Variants in ATP11A observed in about 807,000 individuals in gnomAD.
ATP11A encodes the protein phospholipid-transporting ATPase IH.
ATP11A carries 81 observed loss-of-function variants against 154.4 expected under a neutral mutation model. That is an observed-to-expected ratio of 0.52 (90% CI 0.44 to 0.63). ATP11A has a LOEUF of 0.63. Ranked by LOEUF, ATP11A falls within the 30% of genes least tolerant of loss-of-function variation. The pLI is 0.00. For synonymous variants in ATP11A, 623 were observed against 585.9 expected (o/e 1.06, Z -0.91); for missense variants, 1,316 against 1,474.3 (o/e 0.89, Z 1.76).
intron 1 of ATP11A, among the ~76,000 whole-genome samples, chr13:112,727,792 T>C (rs767336288): frequency 4.6e-5 from 7 of 152,260 alleles, no homozygotes; most frequent in Non-Finnish European, 1.0e-4. Flanking sequence ...GGAGCTAAAC[T>C]CTGGCTTCGT....
rs986938883 is a variant in ATP11A, at chr13:112,844,823, C to T, written c.1809+2444C>T. Among the ~76,000 whole-genome samples, 6 of 151,244 alleles carry T rather than the reference C, an allele frequency of 4.0e-5. No individual in the cohort carries two copies. The East Asian group carries it at 7.8e-4, about 20-fold the overall frequency. On this transcript the variant is annotated intron_variant, in intron 17 of 29. Coordinates refer to ENST00000375645, the MANE Select transcript of ATP11A (RefSeq NM_015205.3). ...TAGTGGTACTAACCAGTCCAGTTGC[C>T]GGGTGTTAGTGGTACTAACCAGTCC... is the stretch of plus-strand genomic sequence containing the variant.
At chr13:112,763,565 A>G (rs1358911521) in intron 1 of ATP11A, among the ~76,000 whole-genome samples, 2 of 151,980 alleles carry the variant, frequency 1.3e-5, no homozygotes, top group Non-Finnish European at 2.9e-5. Context: ...TTCCCTTTCC[A>G]GCTCTTTTCT....
chr13:112,806,109 A>G (rs1382742958), intron 3 of ATP11A, 104 bp from the exon 4 acceptor site: 1 of 782,170 alleles, frequency 1.3e-6, no homozygotes, highest in Non-Finnish European at 2.1e-6. Flanking sequence ...AGGTCTTTAA[A>G]TAAGTCAAAG....
chr13:112,816,647 G>A lies in ATP11A; in HGVS notation c.570+436G>A, dbSNP rs1018733105. ...CTCTGAGCCCAGCACGCTCTTGTCC[G>A]CTCTAGTCCTCGTGTTGTACGTTGG... On this transcript the variant is annotated intron_variant, in intron 6 of 29. Transcript: ENST00000375645. Among the ~76,000 whole-genome samples, 3 of 152,220 alleles carry A rather than the reference G, an allele frequency of 2.0e-5. 1 individual carries two copies. Among genetic ancestry groups the A allele is most frequent in the South Asian group, 4.1e-4 (2 of 4,820 alleles).
intron 26 of ATP11A, 64 bp downstream of exon 26, chr13:112,871,864 C>A: frequency 4.1e-6 from 6 of 1,480,426 alleles, no homozygotes; most frequent in African/African-American, 1.4e-5. Context: ...GTAGGCCTCA[C>A]GCGCTCTGAG....
At chr13:112,798,899 C>G (rs1467468706) in intron 2 of ATP11A, among the ~76,000 whole-genome samples, 1 of 152,078 alleles carries the variant, frequency 6.6e-6, no homozygotes, top group African/African-American at 2.4e-5. Context: ...AAAAACAAGA[C>G]CTAACCATAT....
chr13:112,771,281 G>A lies in ATP11A; in HGVS notation c.40-13854G>A, dbSNP rs150457956. 1.9e-3 allele frequency among the ~76,000 whole-genome samples: 283 copies of A among 152,294 alleles called. 5 individuals carry two copies. The East Asian group carries it at 0.031, about 17-fold the overall frequency. ...ATTTTCTGATTGAACTTCGAATGCGGAAACATCTTGCCCTTACTGGGGCAA... is the reference window on the plus strand; with the variant it reads ...ATTTTCTGATTGAACTTCGAATGCGAAAACATCTTGCCCTTACTGGGGCAA... On this transcript the variant is annotated intron_variant, in intron 1 of 29. Transcript: ENST00000375645.
intron 7 of ATP11A, 79 bp downstream of exon 7, chr13:112,819,486 C>T: frequency 8.2e-7 from 1 of 1,224,740 alleles, no homozygotes; most frequent in South Asian, 1.2e-5. Flanking sequence ...CCCAAGTAGT[C>T]CAGCCATGTG....
intron 29 of ATP11A, chr13:112,880,542 G>A: frequency 7.7e-7 from 1 of 1,298,418 alleles, no homozygotes; most frequent in Non-Finnish European, 1.0e-6. Context: ...TCCTCGCCTT[G>A]CAGAGGGGTG....
Position 112,785,264 on chromosome 13 carries a change from T to A in ATP11A, c.162+7T>A. On this transcript the variant is annotated splice_region_variant and intron_variant, in intron 2 of 29. Transcript: ENST00000375645. This position sits in a 1 kb window ranked among gnomAD's most constrained non-coding sequence, Gnocchi z 4.8. ...CAGGATCGTCTCGTCCAAGGTAACT[T>A]GGCTTGGGTCTGAGTGTCCATAATG... 6.6e-7 allele frequency: 1 copy of A among 1,503,920 alleles called. No individual in the cohort carries two copies. Among genetic ancestry groups the A allele is most frequent in the Non-Finnish European group, 8.9e-7 (1 of 1,125,778 alleles). 93.2% of individuals were successfully genotyped at this position (1,503,920 alleles called of 1,614,324 possible). A position where few individuals can be genotyped will look rare whatever the true frequency, so the allele number is the denominator to read the frequency against.
Position 112,788,961 on chromosome 13 carries a change from G to A in ATP11A, c.162+3704G>A, listed in dbSNP as rs953078554. On this transcript the variant is annotated intron_variant, in intron 2 of 29. Coordinates refer to ENST00000375645, the MANE Select transcript of ATP11A (RefSeq NM_015205.3). ...TGGAGACCTACTTAATTCACACCTG[G>A]CATCTTGACGTGTAGACTCCTATGT... Among the ~76,000 whole-genome samples, 9 of 151,664 alleles carry A rather than the reference G, an allele frequency of 5.9e-5. No homozygotes were observed. The South Asian group carries it at 1.2e-3, about 21-fold the overall frequency.
chr13:112,691,022 G>C (rs537951127), intron 1 of ATP11A, among the ~76,000 whole-genome samples: 111 of 152,360 alleles, frequency 7.3e-4, no homozygotes, highest in African/African-American at 2.1e-3. Flanking sequence ...AATTAGATCA[G>C]AAGTCCGGGG....
intron 1 of ATP11A, among the ~76,000 whole-genome samples, chr13:112,774,559 C>T (rs901001483): frequency 3.3e-5 from 5 of 152,220 alleles, no homozygotes; most frequent in African/African-American, 1.2e-4. Context: ...CACCCACTCA[C>T]AAAAGACGTG....
chr13:112,737,041 A>G (rs143959350), intron 1 of ATP11A, among the ~76,000 whole-genome samples: 86 of 152,310 alleles, frequency 5.6e-4, no homozygotes, highest in Middle Eastern at 3.4e-3. Context: ...CCACATGTCT[A>G]TCAACAGTAG....
Position 112,842,303 on chromosome 13 carries a change from CA to C in ATP11A, c.1734del (p.Asp579IlefsTer8). On this transcript the variant is annotated frameshift_variant, in exon 17 of 30. Transcript: ENST00000375645. LOFTEE classifies it high-confidence loss of function. ...GAAATTTATCTGTTTTGCAAAGGAG[CA>C]GATTCTTCGATATTCCCCCGAGTGA... ...TGEIYLFCKG[A>X]DSSIFPRVIE... is the part of the protein sequence containing the mutation. 1 of 1,611,548 alleles carries C rather than the reference CA, an allele frequency of 6.2e-7. No individual in the cohort carries two copies. The highest frequency in any genetic ancestry group is 8.5e-7 in the Non-Finnish European group (1 of 1,178,790).
chr13:112,831,864 T>G (rs1469077509), intron 13 of ATP11A, among the ~76,000 whole-genome samples: 2 of 141,138 alleles, frequency 1.4e-5, no homozygotes, highest in Non-Finnish European at 3.1e-5. Context: ...CACGCCCAGA[T>G]ACTGTGTGCA....
intron 13 of ATP11A, among the ~76,000 whole-genome samples, chr13:112,832,082 C>T (rs575247758): frequency 1.8e-4 from 27 of 152,130 alleles, no homozygotes; most frequent in African/African-American, 5.8e-4. Context: ...CAGACACACA[C>T]GTACTCTCAC....
At chr13:112,870,840 C>T (rs922968187) in intron 25 of ATP11A, among the ~76,000 whole-genome samples, 1 of 152,344 alleles carries the variant, frequency 6.6e-6, no homozygotes, top group African/African-American at 2.4e-5. Flanking sequence ...GGGGGGTGGT[C>T]TGGGCAGCAG....
In ATP11A at chr13:112,884,151, C is replaced by G. The variant is rs2080938644; in HGVS notation, c.*2285C>G. 6.6e-6 allele frequency: 1 copy of G among 152,518 alleles called. No individual in the cohort carries two copies. The highest frequency in any genetic ancestry group is 1.5e-5 in the Non-Finnish European group (1 of 68,026). 9.4% of individuals were successfully genotyped at this position (152,518 alleles called of 1,614,324 possible). A position where few individuals can be genotyped will look rare whatever the true frequency, so the allele number is the denominator to read the frequency against. On this transcript the variant is annotated 3_prime_UTR_variant, in exon 30 of 30. Coordinates refer to ENST00000375645, the MANE Select transcript of ATP11A (RefSeq NM_015205.3). ...GCGAATTTTCAGATTTGATTTTATTCTCTACACACACCTCTTCTTTTCTTG... is the reference window on the plus strand; with the variant it reads ...GCGAATTTTCAGATTTGATTTTATTGTCTACACACACCTCTTCTTTTCTTG...
Sources: allele counts gnomAD v4.1 joint callset (sites outside exome capture counted in the v4.1 genomes callset), GRCh38; gene constraint gnomAD v4.1.1; non-coding constraint Gnocchi (gnomAD v3.1); transcripts MANE v1.5; gene names NCBI Gene and HGNC (gene_info 2026-07-23, HGNC 2026-07-21).